The following PGF variants were observed in gnomAD, a reference collection of about 807,000 sequenced individuals.
PGF encodes placental growth factor, also known as placenta growth factor.
PGF carries 11 observed loss-of-function variants against 25.3 expected under a neutral mutation model. That is an observed-to-expected ratio of 0.43 (90% CI 0.27 to 0.72). The LOEUF (loss-of-function observed/expected upper bound fraction) is 0.72. PGF is among the 30% of genes least tolerant of loss of function. PGF has a pLI of 0.18. For synonymous variants in PGF, 105 were observed against 97.9 expected (o/e 1.07, Z -0.43); for missense variants, 230 against 234.9 (o/e 0.98, Z 0.14).
chr14:74,946,874 C>T (rs766802447), intron 4 of PGF: 29 of 760,678 alleles, frequency 3.8e-5, no homozygotes, highest in African/African-American at 1.0e-4. Context: ...GAGTGAGCGA[C>T]GGGGTGGGAG....
chr14:74,950,558 G>C lies in PGF; in HGVS notation c.119-1005C>G, dbSNP rs566804579. On this transcript the variant is annotated intron_variant, in intron 2 of 6. Coordinates refer to ENST00000555567, the MANE Select transcript of PGF (RefSeq NM_002632.6). This position sits in a 1 kb window ranked among gnomAD's most constrained non-coding sequence, Gnocchi z 4.1. ...CTCAAAAGATGCTGCTCTTTCGGGG[G>C]AAGGCCTAGGACCAGGCCCCAAATA... Among the ~76,000 whole-genome samples, 69 of 152,304 alleles carry C rather than the reference G, an allele frequency of 4.5e-4. No individual in the cohort carries two copies. The highest frequency in any genetic ancestry group is 2.4e-3 in the Admixed American group (36 of 15,302).
intron 2 of PGF, among the ~76,000 whole-genome samples, chr14:74,949,908 G>A (rs1277101886): frequency 6.6e-6 from 1 of 152,164 alleles, no homozygotes; most frequent in Non-Finnish European, 1.5e-5. Context: ...CTCCAACTTG[G>A]AGAACTTGCA....
At position 74,953,355 on chromosome 14, in the gene PGF, CGTT is replaced by C. The variant is rs894693616; in HGVS notation, c.118+546_118+548del. On this transcript the variant is annotated intron_variant, in intron 2 of 6. Transcript: ENST00000555567. The surrounding 1 kb of genome is among the most constrained non-coding windows in gnomAD (Gnocchi z 5.4). Reference sequence around the variant, plus strand: ...ACATATGTCTCTTTGGCAAACGTCTCGTTGCCCTTTGAAGACTCCCTCTTGATG... The same window carrying C: ...ACATATGTCTCTTTGGCAAACGTCTCGCCCTTTGAAGACTCCCTCTTGATG... 9.8e-5 allele frequency among the ~76,000 whole-genome samples: 15 copies of C among 152,304 alleles called. No homozygotes were observed. The highest frequency in any genetic ancestry group is 3.6e-4 in the African/African-American group (15 of 41,564).
At chr14:74,954,585 T>A (rs1888942540) in intron 1 of PGF, among the ~76,000 whole-genome samples, 1 of 151,964 alleles carries the variant, frequency 6.6e-6, no homozygotes. Flanking sequence ...CTCACCCGGC[T>A]CCTGGGAAAA....
intron 1 of PGF, among the ~76,000 whole-genome samples, chr14:74,954,559 C>T (rs1265618104): frequency 6.6e-6 from 1 of 152,164 alleles, no homozygotes; most frequent in Non-Finnish European, 1.5e-5. Flanking sequence ...ACTGCCCAAG[C>T]TGGCTCCCAG....
chr14:74,948,385 A>G (rs1594986789), intron 4 of PGF, 122 bp downstream of exon 4: 1 of 567,046 alleles, frequency 1.8e-6, no homozygotes, highest in East Asian at 3.1e-5. Context: ...CTCAGTCTGG[A>G]AAAAAGTTCA....
At chr14:74,954,243 C>T in intron 1 of PGF, 1 of 433,762 alleles carries the variant, frequency 2.3e-6, no homozygotes, top group Non-Finnish European at 4.3e-6. Flanking sequence ...TGCGGGTCTG[C>T]CTTCTACCCA....
chr14:74,951,148 T>C (rs1164644932), intron 2 of PGF, among the ~76,000 whole-genome samples: 1 of 152,058 alleles, frequency 6.6e-6, no homozygotes, highest in African/African-American at 2.4e-5. Context: ...CAATAAACAG[T>C]GTTATCTGCT....
intron 6 of PGF, among the ~76,000 whole-genome samples, chr14:74,943,122 T>C (rs531737016): frequency 6.6e-6 from 1 of 152,180 alleles, no homozygotes; most frequent in Non-Finnish European, 1.5e-5. Flanking sequence ...TGCCTCTGAT[T>C]ACCCTAAGAC....
intron 1 of PGF, chr14:74,954,360 C>T (rs555583081): frequency 5.1e-5 from 11 of 217,742 alleles, no homozygotes; most frequent in East Asian, 2.1e-4. Flanking sequence ...GAGCGGGTGG[C>T]GCCATGAGCT....
Position 74,942,438 on chromosome 14 carries a change from C to T in PGF, c.*268G>A. 1 of 471,208 alleles carries T rather than the reference C, an allele frequency of 2.1e-6. No individual in the cohort carries two copies. The highest frequency in any genetic ancestry group is 3.9e-5 in the Admixed American group (1 of 25,480). The allele number at this position is 471,208 out of a possible 1,614,324, so 29.2% of individuals were successfully genotyped here. A position where few individuals can be genotyped will look rare whatever the true frequency, so the allele number is the denominator to read the frequency against. ...CCAGGGCCTCTGGGGCCTAGCTTGC[C>T]CCTCACGAGGCCACGTGTCTTGCTT... On this transcript the variant is annotated 3_prime_UTR_variant, in exon 7 of 7. Transcript: ENST00000555567.
intron 4 of PGF, chr14:74,947,682 C>CAATA (rs776813913): frequency 3.3e-5 from 5 of 152,250 alleles, no homozygotes; most frequent in African/African-American, 9.6e-5. Context: ...GGTAGGTGCT[C>CAATA]AATAAATGTA....
chr14:74,953,351 G>A lies in PGF; in HGVS notation c.118+553C>T, dbSNP rs1057513355. Among the ~76,000 whole-genome samples the A allele has an allele frequency of 5.3e-5, 8 of 152,208 alleles. No homozygotes were observed. The highest frequency in any genetic ancestry group is 2.1e-4 in the South Asian group (1 of 4,834). Reference sequence around the variant, plus strand: ...CTGTACATATGTCTCTTTGGCAAACGTCTCGTTGCCCTTTGAAGACTCCCT... The same window carrying A: ...CTGTACATATGTCTCTTTGGCAAACATCTCGTTGCCCTTTGAAGACTCCCT... On this transcript the variant is annotated intron_variant, in intron 2 of 6. Coordinates refer to ENST00000555567, the MANE Select transcript of PGF (RefSeq NM_002632.6). The surrounding 1 kb of genome is among the most constrained non-coding windows in gnomAD (Gnocchi z 5.4).
At chr14:74,946,101 C>G in intron 6 of PGF, 112 bp downstream of exon 6, 1 of 900,102 alleles carries the variant, frequency 1.1e-6, no homozygotes, top group Admixed American at 1.9e-5. Flanking sequence ...TGTTCTGCCC[C>G]CAAGACTGGC....
rs1257392896 is a variant in PGF, at chr14:74,948,603, A to C, written c.316-20T>G. 4 of 1,563,794 alleles carry C rather than the reference A, an allele frequency of 2.6e-6. No homozygotes were observed. Among genetic ancestry groups the C allele is most frequent in the Non-Finnish European group, 3.5e-6 (4 of 1,139,062 alleles). On this transcript the variant is annotated intron_variant, in intron 3 of 6. Coordinates refer to ENST00000555567, the MANE Select transcript of PGF (RefSeq NM_002632.6). The stretch of plus-strand genomic sequence containing the variant: ...TAGGAGCTGAAGGAAGAAAGAGTTG[A>C]TGCCTGGATTGGGGAGTGGCCCACG...
In PGF at chr14:74,949,497, C is replaced by T; in HGVS notation, c.175G>A (p.Val59Met). ...RSYCRALERL[V>M]DVVSEYPSEV... is the part of the protein sequence containing the mutation. ...CTGGGGTACTCGGACACGACGTCCA[C>T]CAGCCTCTCCAGCGCCCGGCAGTAG... The change falls in exon 3 of 7, where the codon GTG becomes ATG. Residue 59 changes from valine (V) to methionine (M), a missense_variant. By Grantham distance (21) the Val-to-Met change is conservative. Coordinates refer to ENST00000555567, the MANE Select transcript of PGF (RefSeq NM_002632.6). The T allele has an allele frequency of 5.0e-6, 8 of 1,607,862 alleles. No homozygotes were observed. Among genetic ancestry groups the T allele is most frequent in the Non-Finnish European group, 6.8e-6 (8 of 1,177,436 alleles).
At chr14:74,943,842 A>G (rs923211740) in intron 6 of PGF, among the ~76,000 whole-genome samples, 16 of 152,220 alleles carry the variant, frequency 1.1e-4, no homozygotes, top group Admixed American at 2.0e-4. Flanking sequence ...TTGATAATTT[A>G]TTCCAGGAGA....
chr14:74,943,878 A>C (rs1888656551), intron 6 of PGF, among the ~76,000 whole-genome samples: 2 of 152,218 alleles, frequency 1.3e-5, no homozygotes, highest in Admixed American at 6.5e-5. Flanking sequence ...TTATGCTCAC[A>C]GGAAATTTAA....
chr14:74,948,240 G>A (rs1212022734), intron 4 of PGF: 1 of 367,216 alleles, frequency 2.7e-6, no homozygotes, highest in Non-Finnish European at 4.9e-6. Flanking sequence ...GGCTGGGAGG[G>A]ACCCACCCTC....
Sources: gnomAD v4.1 joint callset for allele counts (sites outside exome capture counted in the v4.1 genomes callset) on GRCh38, gnomAD v4.1.1 for gene constraint, Gnocchi (gnomAD v3.1) non-coding constraint, MANE v1.5 for transcripts, NCBI Gene and HGNC (gene_info 2026-07-23, HGNC 2026-07-21) for gene names.